RPS6KC1: variants seen among roughly 807,000 people sequenced by gnomAD.
RPS6KC1 encodes inactive ribosomal protein S6 kinase delta-1.
A neutral mutation model predicts 103.8 loss-of-function variants in RPS6KC1; 54 were observed. The ratio of observed to expected loss-of-function variants is 0.52; its 90% CI spans 0.42 to 0.65. RPS6KC1 has a LOEUF of 0.65. Among genes scored for constraint, RPS6KC1 ranks in the 30% least tolerant of loss-of-function variants. The pLI, the probability that RPS6KC1 is intolerant of heterozygous loss-of-function variation, is 0.00. For missense variants in RPS6KC1, 1,151 were observed against 1,253.8 expected, an observed-to-expected ratio of 0.92 and a Z score of 1.24; for synonymous variants, 439 against 438.7, an observed-to-expected ratio of 1.00 and a Z score of -0.01.
intron 8 of RPS6KC1, among the ~76,000 whole-genome samples, chr1:213,211,039 G>T (rs545776373): frequency 4.6e-4 from 70 of 152,164 alleles, no homozygotes; most frequent in Non-Finnish European, 5.4e-4. Flanking sequence ...ATTAAACTAG[G>T]GTATGAATGG....
At chr1:213,304,273 C>T in the RPS6KC1 span, among the ~76,000 whole-genome samples, 10 of 150,438 alleles carry the variant, frequency 6.6e-5, no homozygotes, top group African/African-American at 2.4e-4. Context: ...CCAGGACATA[C>T]TCTGGGATAA....
the RPS6KC1 span, among the ~76,000 whole-genome samples, chr1:213,627,891 T>C: frequency 2.6e-5 from 4 of 152,218 alleles, no homozygotes; most frequent in South Asian, 6.2e-4. Context: ...TCTCTTTTTT[T>C]GTTGCATCTC....
chr1:213,248,115 T>C (rs1243783289), intron 12 of RPS6KC1, among the ~76,000 whole-genome samples: 1 of 152,092 alleles, frequency 6.6e-6, no homozygotes, highest in Non-Finnish European at 1.5e-5. Flanking sequence ...AGAAATCTAA[T>C]TTTAAGAATG....
chr1:213,635,520 T>C, the RPS6KC1 span, among the ~76,000 whole-genome samples: 151,409 of 152,322 alleles, frequency 0.99, 75,258 homozygotes, highest in East Asian at 1. Flanking sequence ...ACAAAAAACA[T>C]ATGATTATCT....
chr1:213,543,615 C>T, the RPS6KC1 span, among the ~76,000 whole-genome samples: 6 of 152,274 alleles, frequency 3.9e-5, no homozygotes, highest in East Asian at 1.9e-4. Context: ...CCAGGATAAA[C>T]GCGGATTTAT....
At chr1:213,857,038 A>G in the RPS6KC1 span, among the ~76,000 whole-genome samples, 1 of 152,394 alleles carries the variant, frequency 6.6e-6, no homozygotes, top group Non-Finnish European at 1.5e-5. Context: ...TTGCTATGAT[A>G]TTAGTCTTAT....
At chr1:213,427,452 C>A in the RPS6KC1 span, among the ~76,000 whole-genome samples, 3 of 152,230 alleles carry the variant, frequency 2.0e-5, no homozygotes, top group East Asian at 3.9e-4. Context: ...CCTCAAAGGC[C>A]AAATTTTAGC....
chr1:213,069,417 T>C (rs1028547781), intron 1 of RPS6KC1, among the ~76,000 whole-genome samples: 12 of 152,228 alleles, frequency 7.9e-5, no homozygotes, highest in African/African-American at 2.9e-4. Flanking sequence ...TGTGTCCTTA[T>C]TTGTTGTTCA....
chr1:213,751,872 G>A, the RPS6KC1 span, among the ~76,000 whole-genome samples: 1 of 152,162 alleles, frequency 6.6e-6, no homozygotes, highest in African/African-American at 2.4e-5. Context: ...TGCTCAATAA[G>A]TGGTAGTATT....
chr1:213,446,603 C>A, the RPS6KC1 span, among the ~76,000 whole-genome samples: 1 of 152,172 alleles, frequency 6.6e-6, no homozygotes, highest in Non-Finnish European at 1.5e-5. Flanking sequence ...ACCATAGCCA[C>A]AAAACGCCTT....
At chr1:213,185,724 A>G (rs1180240100) in intron 8 of RPS6KC1, among the ~76,000 whole-genome samples, 2 of 151,300 alleles carry the variant, frequency 1.3e-5, no homozygotes, top group African/African-American at 2.4e-5. Context: ...TATTTTAACA[A>G]TCTTTTTTTT....
At chr1:213,256,038 GGTTTCCA>G (rs1406816491) in intron 12 of RPS6KC1, among the ~76,000 whole-genome samples, 5,890 of 152,148 alleles carry the variant, frequency 0.039, 335 homozygotes, top group African/African-American at 0.13. Context: ...CTTCTTTTCT[GGTTTCCA>G]TGAAAAACCA....
the RPS6KC1 span, among the ~76,000 whole-genome samples, chr1:213,502,693 A>C: frequency 5.9e-5 from 9 of 152,190 alleles, no homozygotes; most frequent in Non-Finnish European, 1.5e-5. Context: ...CAAAATATGA[A>C]AAATCACTTT....
chr1:213,100,125 G>A (rs1199720241), intron 3 of RPS6KC1, among the ~76,000 whole-genome samples: 1 of 152,120 alleles, frequency 6.6e-6, no homozygotes, highest in Non-Finnish European at 1.5e-5. Context: ...CCAACATTGG[G>A]CATTATCAGC....
At chr1:213,220,020 C>G (rs919371974) in intron 8 of RPS6KC1, among the ~76,000 whole-genome samples, 3 of 151,938 alleles carry the variant, frequency 2.0e-5, no homozygotes, top group African/African-American at 7.2e-5. Context: ...TTTAAAAAAA[C>G]CCATCATATT....
the RPS6KC1 span, among the ~76,000 whole-genome samples, chr1:213,846,028 C>G: frequency 3.3e-5 from 5 of 151,476 alleles, no homozygotes; most frequent in Admixed American, 6.6e-5. Context: ...CGGGGTGGCT[C>G]ACACCCGTAA....
At chr1:213,430,490 T>G in the RPS6KC1 span, among the ~76,000 whole-genome samples, 1 of 152,178 alleles carries the variant, frequency 6.6e-6, no homozygotes, top group Non-Finnish European at 1.5e-5. Flanking sequence ...CATAAGGAAT[T>G]ATTTTGTGTT....
In RPS6KC1 at chr1:213,272,686, C is replaced by CT; in HGVS notation, c.*53dup. ...TTCTGATCTTCTCTGTGACAGGCAT[C>CT]TCCAGCACTGAGGCACCTCTGACTC... On this transcript the variant is annotated 3_prime_UTR_variant, in exon 15 of 15. Coordinates refer to ENST00000366960, the MANE Select transcript of RPS6KC1 (RefSeq NM_012424.6). 7.4e-7 allele frequency: 1 copy of CT among 1,349,038 alleles called. No homozygotes were observed. Among genetic ancestry groups the CT allele is most frequent in the African/African-American group, 1.4e-5 (1 of 69,766 alleles). 83.6% of individuals were successfully genotyped at this position (1,349,038 alleles called of 1,614,324 possible).
chr1:213,394,471 T>C, the RPS6KC1 span, among the ~76,000 whole-genome samples: 2 of 151,608 alleles, frequency 1.3e-5, no homozygotes, highest in Non-Finnish European at 2.9e-5. Flanking sequence ...CTCGGAATGC[T>C]GGTTGCTAGA....
Sources: gnomAD v4.1 joint callset for allele counts (sites outside exome capture counted in the v4.1 genomes callset) on GRCh38, gnomAD v4.1.1 for gene constraint, MANE v1.5 for transcripts, NCBI Gene and HGNC (gene_info 2026-07-23, HGNC 2026-07-21) for gene names.